The following KISS1R variants were observed in gnomAD, a reference collection of about 807,000 sequenced individuals.
KISS1R encodes the protein KISS1 receptor, also known as kiSS-1 receptor.
A neutral mutation model predicts 22.0 loss-of-function variants in KISS1R; 19 were observed. The ratio of observed to expected loss-of-function variants is 0.86; its 90% CI spans 0.60 to 1.26. The LOEUF (loss-of-function observed/expected upper bound fraction) is 1.26. Among genes scored for constraint, KISS1R ranks in the 50% most tolerant of loss-of-function variants. KISS1R has a pLI of 0.00. For missense variants in KISS1R, 653 were observed against 581.9 expected (o/e 1.12, Z -1.26); for synonymous variants, 302 against 283.9 (o/e 1.06, Z -0.64).
rs750319119 is a variant in KISS1R, at chr19:917,514, G to T, written c.12G>T (p.Val4=). 23 of 1,491,636 alleles carry T rather than the reference G, an allele frequency of 1.5e-5. No homozygotes were observed. In the South Asian group the frequency reaches 2.8e-4, roughly 18 times the overall value. 92.4% of individuals were successfully genotyped at this position (1,491,636 alleles called of 1,614,324 possible). A position where few individuals can be genotyped will look rare whatever the true frequency, so the allele number is the denominator to read the frequency against. Residue 4 remains valine, a synonymous_variant, in exon 1 of 5, where the codon GTG becomes GTT. Transcript: ENST00000234371. ...AGGTGCGCGCGGCCATGCACACCGT[G>T]GCTACGTCCGGACCCAACGCGTCCT... The part of the protein sequence containing the change: MHT[V]ATSGPNASWG...
In KISS1R at chr19:920,310, C is replaced by A. The variant is rs764009738; in HGVS notation, c.759C>A (p.Arg253=). Residue 253 remains arginine (R), a synonymous_variant, in exon 5 of 5, where the codon CGC becomes CGA. Coordinates refer to ENST00000234371, the MANE Select transcript of KISS1R (RefSeq NM_032551.5). ...SALQGQVLAE[R]AGAVRAKVSR... ...CCCAGGGGCAGGTGCTGGCAGAGCG[C>A]GCAGGCGCCGTGCGGGCCAAGGTCT... The A allele has an allele frequency of 3.2e-6, 5 of 1,570,084 alleles. No homozygotes were observed. The highest frequency in any genetic ancestry group is 4.3e-6 in the Non-Finnish European group (5 of 1,166,684).
At position 917,719 on chromosome 19, in the gene KISS1R, A is replaced by T; in HGVS notation, c.217A>T (p.Met73Leu). The change falls in exon 1 of 5, where the codon ATG (methionine) becomes TTG (leucine). Residue 73 changes from methionine (M) to leucine (L), a missense_variant. Physicochemically the swap from Met to Leu is conservative, Grantham distance 15 (BLOSUM62 2). Transcript: ENST00000234371. ...CTACGTCATCTGCCGCCACAAGCCG[A>T]TGCGGACCGTGACCAACTTCTACAT... ...VIYVICRHKP[M>L]RTVTNFYIAN... 6.2e-7 allele frequency: 1 copy of T among 1,607,148 alleles called. No individual in the cohort carries two copies. The highest frequency in any genetic ancestry group is 1.7e-5 in the Admixed American group (1 of 59,490).
Position 920,101 on chromosome 19 carries a change from C to A in KISS1R, c.733C>A (p.Leu245Met). The change falls in exon 4 of 5, where the codon CTG becomes ATG. Residue 245 changes from leucine to methionine, a missense_variant. By Grantham distance (15) the Leu-to-Met change is conservative. Transcript: ENST00000234371. ...GCGCCCCGCGCCCGCCGATAGCGCC[C>A]TGCAGGTGCGCGGCGTGGGTGGGAG... ...AVRPAPADSA[L>M]QGQVLAERAG... The A allele has an allele frequency of 4.0e-6, 6 of 1,503,598 alleles. No individual in the cohort carries two copies. The Admixed American group carries it at 1.1e-4, about 27-fold the overall frequency. 93.1% of individuals were successfully genotyped at this position (1,503,598 alleles called of 1,614,324 possible).
chr19:920,482 A>G lies in KISS1R; in HGVS notation c.931A>G (p.Met311Val), dbSNP rs770072521. The G allele has an allele frequency of 5.0e-6, 8 of 1,611,066 alleles. No individual in the cohort carries two copies. The highest frequency in any genetic ancestry group is 1.1e-5 in the South Asian group (1 of 90,796). ...AYALKTWAHC[M>V]SYSNSALNPL... The stretch of plus-strand genomic sequence containing the variant: ...CGCGCTTAAGACCTGGGCTCACTGC[A>G]TGTCCTACAGCAACTCCGCGCTGAA... The change falls in exon 5 of 5, where the codon ATG becomes GTG. Residue 311 changes from methionine to valine, a missense_variant. Physicochemically the swap from Met to Val is conservative, Grantham distance 21 (BLOSUM62 1). Transcript: ENST00000234371.
chr19:920,940 T>C lies in KISS1R; in HGVS notation c.*192T>C. 1.8e-6 allele frequency: 1 copy of C among 564,178 alleles called. No homozygotes were observed. Among genetic ancestry groups the C allele is most frequent in the Non-Finnish European group, 2.6e-6 (1 of 382,554 alleles). The allele number at this position is 564,178 out of a possible 1,614,324, so 34.9% of individuals were successfully genotyped here. ...TTGAAATTATGACTTCTGTGTTTCC[T>C]GAAATTAAACATGTGTCAACACAGG... On this transcript the variant is annotated 3_prime_UTR_variant, in exon 5 of 5. Coordinates refer to ENST00000234371, the MANE Select transcript of KISS1R (RefSeq NM_032551.5).
chr19:919,095 C>T (rs1309928286), intron 2 of KISS1R, among the ~76,000 whole-genome samples: 2 of 60,330 alleles, frequency 3.3e-5, no homozygotes, highest in Non-Finnish European at 6.3e-5. Context: ...GCCCAGCTTG[C>T]GGGAAGGGGC....
At chr19:917,844 G>C (rs969253251) in intron 1 of KISS1R, 98 bp downstream of exon 1, 3 of 1,409,718 alleles carry the variant, frequency 2.1e-6, no homozygotes, top group African/African-American at 2.9e-5. Flanking sequence ...GGCCCTCTCG[G>C]ACCCGGCTCT....
chr19:920,692 A>T lies in KISS1R; in HGVS notation c.1141A>T (p.Ser381Cys). ...CGCCAGGGCGCAGAAGCCAGGGAGCAGTGGGCTGGCCGCGCGCGGGCTGTG... is the reference window on the plus strand; with the variant it reads ...CGCCAGGGCGCAGAAGCCAGGGAGCTGTGGGCTGGCCGCGCGCGGGCTGTG... Reference protein sequence around the residue: ...APARAQKPGSSGLAARGLCVL... With the variant: ...APARAQKPGSCGLAARGLCVL... Residue 381 changes from serine to cysteine, a missense_variant, in exon 5 of 5, where the codon AGT becomes TGT. Coordinates refer to ENST00000234371, the MANE Select transcript of KISS1R (RefSeq NM_032551.5). 2 of 1,316,196 alleles carry T rather than the reference A, an allele frequency of 1.5e-6. No individual in the cohort carries two copies. Among genetic ancestry groups the T allele is most frequent in the South Asian group, 5.0e-5 (2 of 40,112 alleles). The allele number at this position is 1,316,196 out of a possible 1,614,324, so 81.5% of individuals were successfully genotyped here. A position where few individuals can be genotyped will look rare whatever the true frequency, so the allele number is the denominator to read the frequency against.
Position 917,737 on chromosome 19 carries a change from T to C in KISS1R, c.235T>C (p.Phe79Leu), listed in dbSNP as rs2037069808. Residue 79 changes from phenylalanine (F) to leucine (L), a missense_variant, in exon 1 of 5, where the codon TTC becomes CTC. Transcript: ENST00000234371. ...RHKPMRTVTN[F>L]YIANLAATDV... ...CAAGCCGATGCGGACCGTGACCAAC[T>C]TCTACATCGGTGAGTGCGGGCGCTG... is the stretch of plus-strand genomic sequence containing the variant. 1 of 1,606,358 alleles carries C rather than the reference T, an allele frequency of 6.2e-7. No homozygotes were observed. Among genetic ancestry groups the C allele is most frequent in the Non-Finnish European group, 8.5e-7 (1 of 1,176,568 alleles).
Position 917,716 on chromosome 19 carries a change from C to T in KISS1R, c.214C>T (p.Pro72Ser). Reference protein sequence around the residue: ...LVIYVICRHKPMRTVTNFYIA... With the variant: ...LVIYVICRHKSMRTVTNFYIA... Reference sequence around the variant, plus strand: ...CATCTACGTCATCTGCCGCCACAAGCCGATGCGGACCGTGACCAACTTCTA... The same window carrying T: ...CATCTACGTCATCTGCCGCCACAAGTCGATGCGGACCGTGACCAACTTCTA... Residue 72 changes from proline to serine, a missense_variant, in exon 1 of 5, where the codon CCG (proline) becomes TCG (serine). By Grantham distance (74) the Pro-to-Ser change is moderately conservative (BLOSUM62 -1). Coordinates refer to ENST00000234371, the MANE Select transcript of KISS1R (RefSeq NM_032551.5). 1 of 1,606,476 alleles carries T rather than the reference C, an allele frequency of 6.2e-7. No individual in the cohort carries two copies. Among genetic ancestry groups the T allele is most frequent in the Non-Finnish European group, 8.5e-7 (1 of 1,176,930 alleles).
chr19:918,311 C>T (rs1282974956), intron 1 of KISS1R, among the ~76,000 whole-genome samples: 2 of 152,056 alleles, frequency 1.3e-5, no homozygotes, highest in Non-Finnish European at 2.9e-5. Context: ...GCCGGAATGG[C>T]CAGGAAATCC....
rs2037080622 is a variant in KISS1R at position 918,596 on chromosome 19, G to C, written c.297G>C (p.Thr99=). 4 of 1,551,674 alleles carry C rather than the reference G, an allele frequency of 2.6e-6. No individual in the cohort carries two copies. Among genetic ancestry groups the C allele is most frequent in the South Asian group, 1.2e-5 (1 of 84,162 alleles). The change falls in exon 2 of 5, where the codon ACG becomes ACC. Residue 99 remains threonine (T), a synonymous_variant. Coordinates refer to ENST00000234371, the MANE Select transcript of KISS1R (RefSeq NM_032551.5). Reference sequence around the variant, plus strand: ...TCCTCCTGTGCTGCGTCCCCTTCACGGCCCTGCTGTACCCGCTGCCCGGCT... The same window carrying C: ...TCCTCCTGTGCTGCGTCCCCTTCACCGCCCTGCTGTACCCGCTGCCCGGCT... ...VTFLLCCVPF[T]ALLYPLPGWV... is the part of the protein sequence containing the mutation.
Position 920,359 on chromosome 19 carries a change from C to T in KISS1R, c.808C>T (p.Leu270=), listed in dbSNP as rs1394876500. The T allele has an allele frequency of 1.3e-6, 2 of 1,569,740 alleles. No individual in the cohort carries two copies. Among genetic ancestry groups the T allele is most frequent in the Admixed American group, 1.8e-5 (1 of 55,678 alleles). The change falls in exon 5 of 5, where the codon CTG becomes TTG. Residue 270 remains leucine, a synonymous_variant. Transcript: ENST00000234371. ...KVSRLVAAVV[L]LFAACWGPIQ... is the part of the protein sequence containing the mutation. The stretch of plus-strand genomic sequence containing the variant: ...CTCGCGGCTGGTGGCGGCCGTGGTC[C>T]TGCTCTTCGCCGCCTGCTGGGGCCC...
In KISS1R at chr19:920,379, G is replaced by T. The variant is rs747410877; in HGVS notation, c.828G>T (p.Trp276Cys). The T allele has an allele frequency of 9.4e-6, 15 of 1,589,498 alleles. No homozygotes were observed. ...AAVVLLFAAC[W>C]GPIQLFLVLQ... ...TGGTCCTGCTCTTCGCCGCCTGCTG[G>T]GGCCCCATCCAGCTGTTCCTGGTGC... The change falls in exon 5 of 5, where the codon TGG becomes TGT. Residue 276 changes from tryptophan (W) to cysteine (C), a missense_variant. Transcript: ENST00000234371.
chr19:918,859 A>C, intron 2 of KISS1R, among the ~76,000 whole-genome samples, 191 bp downstream of exon 2: 1 of 101,700 alleles, frequency 9.8e-6, no homozygotes, highest in East Asian at 3.3e-4. Flanking sequence ...GCACGTGGGG[A>C]CGGAGGGAGA....
In KISS1R at chr19:919,988, A is replaced by G. The variant is rs2145320707; in HGVS notation, c.620A>G (p.Tyr207Cys). 6.4e-7 allele frequency: 1 copy of G among 1,562,846 alleles called. No individual in the cohort carries two copies. Among genetic ancestry groups the G allele is most frequent in the Non-Finnish European group, 8.6e-7 (1 of 1,156,598 alleles). ...GCCCTGGAGCGCGCCTTCGCACTGTACAACCTGCTGGCGCTGTACCTGCTG... is the reference window on the plus strand; with the variant it reads ...GCCCTGGAGCGCGCCTTCGCACTGTGCAACCTGCTGGCGCTGTACCTGCTG... Reference protein sequence around the residue: ...SRALERAFALYNLLALYLLPL... With the variant: ...SRALERAFALCNLLALYLLPL... The change falls in exon 4 of 5, where the codon TAC becomes TGC. Residue 207 changes from tyrosine to cysteine, a missense_variant. By Grantham distance (194) the Tyr-to-Cys change is radical (BLOSUM62 -2). Transcript: ENST00000234371.
chr19:920,125 A>G lies in KISS1R; in HGVS notation c.738+19A>G. 6.7e-7 allele frequency: 1 copy of G among 1,482,814 alleles called. No individual in the cohort carries two copies. Among genetic ancestry groups the G allele is most frequent in the Non-Finnish European group, 8.9e-7 (1 of 1,125,246 alleles). 91.9% of individuals were successfully genotyped at this position (1,482,814 alleles called of 1,614,324 possible). A position where few individuals can be genotyped will look rare whatever the true frequency, so the allele number is the denominator to read the frequency against. On this transcript the variant is annotated intron_variant, in intron 4 of 4. Coordinates refer to ENST00000234371, the MANE Select transcript of KISS1R (RefSeq NM_032551.5). Reference sequence around the variant, plus strand: ...CCTGCAGGTGCGCGGCGTGGGTGGGAGGACAGCAAGGCTGGGCGGGCGGGG... The same window carrying G: ...CCTGCAGGTGCGCGGCGTGGGTGGGGGGACAGCAAGGCTGGGCGGGCGGGG...
In KISS1R at chr19:919,481, C is replaced by A. The variant is rs1486174391; in HGVS notation, c.370-9C>A. The stretch of plus-strand genomic sequence containing the variant: ...AGGTGGCCACACGCCCGGCTGGCGG[C>A]TCCCGCAGGTCTCGGTGCAGGCCAC... On this transcript the variant is annotated splice_polypyrimidine_tract_variant and intron_variant, in intron 2 of 4. Coordinates refer to ENST00000234371, the MANE Select transcript of KISS1R (RefSeq NM_032551.5). 1 of 1,545,146 alleles carries A rather than the reference C, an allele frequency of 6.5e-7. No individual in the cohort carries two copies. The highest frequency in any genetic ancestry group is 1.9e-5 in the Admixed American group (1 of 52,260).
rs765408704 is a variant in KISS1R, at chr19:920,291, G to A, written c.740G>A (p.Gly247Glu). 9 of 1,569,480 alleles carry A rather than the reference G, an allele frequency of 5.7e-6. No homozygotes were observed. In the African/African-American group the frequency reaches 1.2e-4, roughly 21 times the overall value. Residue 247 changes from glycine (G) to glutamate (E), a missense_variant and splice_region_variant, in exon 5 of 5, where the codon GGG becomes GAG. Physicochemically the swap from Gly to Glu is moderately conservative, Grantham distance 98 (BLOSUM62 -2). Coordinates refer to ENST00000234371, the MANE Select transcript of KISS1R (RefSeq NM_032551.5). ...ACCACCTTCACGGCACCCCCCCAGG[G>A]GCAGGTGCTGGCAGAGCGCGCAGGC... ...RPAPADSALQGQVLAERAGAV... is the reference protein window; with the variant it reads ...RPAPADSALQEQVLAERAGAV...
Sources: allele counts gnomAD v4.1 joint callset (sites outside exome capture counted in the v4.1 genomes callset), GRCh38; gene constraint gnomAD v4.1.1; transcripts MANE v1.5; gene names NCBI Gene and HGNC (gene_info 2026-07-23, HGNC 2026-07-21).